The following CAMK1D variants were observed in gnomAD, a reference collection of about 807,000 sequenced individuals.
CAMK1D encodes the protein calcium/calmodulin dependent protein kinase ID, also known as calcium/calmodulin-dependent protein kinase type 1D.
Under a neutral mutation model 47.7 loss-of-function variants are expected in CAMK1D, and 9 were observed. The observed-to-expected ratio is 0.19, with a 90% CI of 0.11 to 0.33. CAMK1D has a LOEUF of 0.33. Among genes scored for constraint, CAMK1D ranks in the 10% least tolerant of loss-of-function variants. The probability of loss-of-function intolerance (pLI) is 1.00; values close to 1 mark genes in which losing one functional copy is unlikely to be tolerated. For missense variants in CAMK1D, 291 were observed against 488.7 expected (o/e 0.60, Z 3.81); for synonymous variants, 184 against 184.9 (o/e 0.99, Z 0.04).
rs559873787 is a variant in CAMK1D, at chr10:12,490,163, C to T, written c.93-63062C>T. Reference sequence around the variant, plus strand: ...GAGTGAGAGCAACTCGCCCCCTCTACCCAGCCCTGGCCTCTGCTGTGAAGC... The same window carrying T: ...GAGTGAGAGCAACTCGCCCCCTCTATCCAGCCCTGGCCTCTGCTGTGAAGC... On this transcript the variant is annotated intron_variant, in intron 1 of 10. Coordinates refer to ENST00000619168, the MANE Select transcript of CAMK1D (RefSeq NM_153498.4). Among the ~76,000 whole-genome samples the T allele has an allele frequency of 3.1e-4, 47 of 152,316 alleles. 1 individual carries two copies. The highest frequency in any genetic ancestry group is 1.0e-3 in the Admixed American group (16 of 15,304).
intron 2 of CAMK1D, among the ~76,000 whole-genome samples, chr10:12,589,931 A>T (rs971989461): frequency 6.6e-6 from 1 of 152,194 alleles, no homozygotes; most frequent in African/African-American, 2.4e-5. Flanking sequence ...CTGCTAGGGT[A>T]ACTCTGATGT....
At chr10:12,620,490 A>C (rs568403874) in intron 2 of CAMK1D, among the ~76,000 whole-genome samples, 1 of 152,322 alleles carries the variant, frequency 6.6e-6, no homozygotes, top group East Asian at 1.9e-4. Context: ...GTCTTATTGG[A>C]ATATTAATTT....
chr10:12,542,628 G>A (rs1836232476), intron 1 of CAMK1D, among the ~76,000 whole-genome samples: 1 of 152,132 alleles, frequency 6.6e-6, no homozygotes, highest in Non-Finnish European at 1.5e-5. Context: ...AAGAGTTTTG[G>A]AGCACCTAAA....
chr10:12,380,770 C>T (rs775018471), intron 1 of CAMK1D, among the ~76,000 whole-genome samples: 6 of 152,106 alleles, frequency 3.9e-5, no homozygotes, highest in African/African-American at 9.7e-5. Context: ...GCAGGAGAAT[C>T]GCTTGAACCC....
chr10:12,362,588 C>T (rs970493334), intron 1 of CAMK1D, among the ~76,000 whole-genome samples: 1 of 152,146 alleles, frequency 6.6e-6, no homozygotes, highest in Non-Finnish European at 1.5e-5. Context: ...AGCTCCGCCT[C>T]CCGGGTTCCC....
At chr10:12,684,507 T>C (rs1040468112) in intron 3 of CAMK1D, among the ~76,000 whole-genome samples, 11 of 152,164 alleles carry the variant, frequency 7.2e-5, no homozygotes, top group African/African-American at 2.4e-4. Flanking sequence ...AAAAAAAATG[T>C]ATTCCTCAAT....
At chr10:12,416,084 C>T (rs572606460) in intron 1 of CAMK1D, 1 of 152,124 alleles carries the variant, frequency 6.6e-6, no homozygotes, top group South Asian at 2.1e-4. Flanking sequence ...GTGGGTTAGT[C>T]TTGTGCTACG....
At chr10:12,592,752 T>C (rs925536203) in intron 2 of CAMK1D, among the ~76,000 whole-genome samples, 1 of 152,200 alleles carries the variant, frequency 6.6e-6, no homozygotes, top group African/African-American at 2.4e-5. Flanking sequence ...CTACTATTTC[T>C]CCCGTGGCTA....
chr10:12,805,931 G>A (rs73576079), intron 6 of CAMK1D, among the ~76,000 whole-genome samples: 3,402 of 152,316 alleles, frequency 0.022, 66 homozygotes, highest in African/African-American at 0.053. Flanking sequence ...ATGGGACATA[G>A]ACAGAAACCA....
chr10:12,585,521 T>A (rs1837790731), intron 2 of CAMK1D, among the ~76,000 whole-genome samples: 1 of 152,192 alleles, frequency 6.6e-6, no homozygotes, highest in Admixed American at 6.5e-5. Flanking sequence ...AAAAAGAGGT[T>A]TAATAGACTC....
At chr10:12,564,159 C>CTCTCTCTGTCTG (rs1837051394) in intron 2 of CAMK1D, among the ~76,000 whole-genome samples, 1 of 106,834 alleles carries the variant, frequency 9.4e-6, no homozygotes, top group Non-Finnish European at 2.3e-5. Flanking sequence ...CTCTCTCTCT[C>CTCTCTCTGTCTG]TCTCTCTCTC....
At chr10:12,551,998 C>T (rs1011730210) in intron 1 of CAMK1D, among the ~76,000 whole-genome samples, 1 of 152,200 alleles carries the variant, frequency 6.6e-6, no homozygotes, top group Non-Finnish European at 1.5e-5. Context: ...GAGAACGACT[C>T]AGTGGGCTGT....
At chr10:12,661,329 G>A (rs1025453039) in intron 2 of CAMK1D, among the ~76,000 whole-genome samples, 1 of 152,184 alleles carries the variant, frequency 6.6e-6, no homozygotes, top group Non-Finnish European at 1.5e-5. Flanking sequence ...TTAAGTTATA[G>A]CGTAATTGCT....
At chr10:12,726,428 AAAAT>A (rs1199824206) in intron 3 of CAMK1D, among the ~76,000 whole-genome samples, 5 of 152,064 alleles carry the variant, frequency 3.3e-5, no homozygotes, top group Non-Finnish European at 5.9e-5. Context: ...CTCAAAAAAT[AAAAT>A]AAATAAGTAA....
intron 2 of CAMK1D, among the ~76,000 whole-genome samples, chr10:12,562,246 C>A (rs2815618): frequency 2.0e-5 from 3 of 151,880 alleles, no homozygotes; most frequent in African/African-American, 7.3e-5. Flanking sequence ...AGACCACCCC[C>A]CCTTAAAACA....
intron 1 of CAMK1D, among the ~76,000 whole-genome samples, chr10:12,395,325 G>A (rs1838904784): frequency 6.6e-6 from 1 of 151,822 alleles, no homozygotes; most frequent in Admixed American, 6.6e-5. Flanking sequence ...CCTCCGCAGA[G>A]GTTTGGGAAT....
intron 3 of CAMK1D, among the ~76,000 whole-genome samples, chr10:12,744,006 G>A (rs12253364): frequency 0.018 from 2,649 of 148,752 alleles, 58 homozygotes; most frequent in African/African-American, 0.053. Context: ...CTGGGTAACA[G>A]AGTGAGACTC....
chr10:12,695,064 ATACATAGG>A, intron 3 of CAMK1D, among the ~76,000 whole-genome samples: 1 of 134,128 alleles, frequency 7.5e-6, no homozygotes, highest in Non-Finnish European at 1.7e-5. Context: ...AGATAGATAG[ATACATAGG>A]TAGATACATA....
chr10:12,350,992 T>C (rs983130733), intron 1 of CAMK1D, among the ~76,000 whole-genome samples: 10 of 152,168 alleles, frequency 6.6e-5, no homozygotes, highest in African/African-American at 2.4e-4. Flanking sequence ...TTTCTTTCCT[T>C]CCTCCTTTTT....
Sources: gnomAD v4.1 joint callset for allele counts (sites outside exome capture counted in the v4.1 genomes callset) on GRCh38, gnomAD v4.1.1 for gene constraint, MANE v1.5 for transcripts, NCBI Gene and HGNC (gene_info 2026-07-23, HGNC 2026-07-21) for gene names.